The following GFOD1 variants were observed in gnomAD, a reference collection of about 807,000 sequenced individuals.
GFOD1 encodes glucose-fructose oxidoreductase domain-containing protein 1.
GFOD1 carries 9 observed loss-of-function variants against 25.4 expected under a neutral mutation model. The ratio of observed to expected loss-of-function variants is 0.35; its 90% confidence interval spans 0.21 to 0.62. The LOEUF is 0.62. Among genes scored for constraint, GFOD1 ranks in the 20% least tolerant of loss-of-function variants. The pLI is 0.72. For missense variants in GFOD1, 403 were observed against 556.9 expected (o/e 0.72, Z 2.78); for synonymous variants, 253 against 245.6 (o/e 1.03, Z -0.28).
chr6:13,390,737 AAG>A (rs1418249520), intron 1 of GFOD1, among the ~76,000 whole-genome samples: 1 of 135,704 alleles, frequency 7.4e-6, no homozygotes, highest in African/African-American at 3.1e-5. Flanking sequence ...AAAAAAAAGA[AAG>A]AAAGACAGGA....
intron 1 of GFOD1, among the ~76,000 whole-genome samples, chr6:13,374,101 A>C (rs1785203081): frequency 6.6e-6 from 1 of 152,120 alleles, no homozygotes; most frequent in Admixed American, 6.5e-5. Flanking sequence ...TAGTCTACAC[A>C]ACCAGGTACT....
At chr6:13,431,122 A>C (rs1363874564) in intron 1 of GFOD1, among the ~76,000 whole-genome samples, 2 of 152,210 alleles carry the variant, frequency 1.3e-5, no homozygotes, top group Non-Finnish European at 2.9e-5. Flanking sequence ...TTCTGCAAAG[A>C]AGAATGAGTT....
At chr6:13,409,489 T>C (rs1036738095) in intron 1 of GFOD1, among the ~76,000 whole-genome samples, 1 of 152,216 alleles carries the variant, frequency 6.6e-6, no homozygotes, top group African/African-American at 2.4e-5. Context: ...ATTAGGGGAC[T>C]GCAATTTTAG....
chr6:13,401,948 C>T (rs932089783), intron 1 of GFOD1, among the ~76,000 whole-genome samples: 2 of 152,186 alleles, frequency 1.3e-5, no homozygotes, highest in African/African-American at 4.8e-5. Flanking sequence ...TACCTCAAAG[C>T]TACAGTAATC....
rs142137406 is a variant in GFOD1 at position 13,388,710 on chromosome 6, C to A, written c.254-23048G>T. On this transcript the variant is annotated intron_variant, in intron 1 of 1. Coordinates refer to ENST00000379287, the MANE Select transcript of GFOD1 (RefSeq NM_018988.4). The stretch of plus-strand genomic sequence containing the variant: ...TTCAGGACACAGACATGGGCAAAGA[C>A]TTCATGACTAAAACACCAAAAGCAA... 2.6e-4 allele frequency among the ~76,000 whole-genome samples: 40 copies of A among 152,276 alleles called. 1 individual carries two copies. The East Asian group carries it at 7.7e-3, about 29-fold the overall frequency.
chr6:13,429,502 G>C (rs1757710272), intron 1 of GFOD1, among the ~76,000 whole-genome samples: 1 of 152,204 alleles, frequency 6.6e-6, no homozygotes, highest in African/African-American at 2.4e-5. Flanking sequence ...AGAAAAGTTT[G>C]GGTTTACTGC....
At chr6:13,415,330 C>T (rs144310275) in intron 1 of GFOD1, among the ~76,000 whole-genome samples, 1 of 152,254 alleles carries the variant, frequency 6.6e-6, no homozygotes, top group African/African-American at 2.4e-5. Flanking sequence ...TCCAGTTGGC[C>T]TGCCCTTCTG....
chr6:13,362,814 G>A lies in GFOD1; in HGVS notation c.*1929C>T, dbSNP rs1438263364. On this transcript the variant is annotated 3_prime_UTR_variant, in exon 2 of 2. Coordinates refer to ENST00000379287, the MANE Select transcript of GFOD1 (RefSeq NM_018988.4). ...ACCTATGAGTAGCCTGGGCTTCAAA[G>A]AATATTGACCCTAGGGAGGACAATG... 6.6e-6 allele frequency: 1 copy of A among 152,252 alleles called. No homozygotes were observed. The highest frequency in any genetic ancestry group is 1.9e-4 in the East Asian group (1 of 5,198). 9.4% of individuals were successfully genotyped at this position (152,252 alleles called of 1,614,324 possible).
At chr6:13,455,683 A>C (rs969385968) in intron 1 of GFOD1, among the ~76,000 whole-genome samples, 1 of 152,228 alleles carries the variant, frequency 6.6e-6, no homozygotes, top group Non-Finnish European at 1.5e-5. Context: ...TAAATGTTTC[A>C]GCCAAATTAA....
At chr6:13,369,334 C>A (rs781489505) in intron 1 of GFOD1, among the ~76,000 whole-genome samples, 1 of 152,218 alleles carries the variant, frequency 6.6e-6, no homozygotes, top group African/African-American at 2.4e-5. Flanking sequence ...ATCCAATATG[C>A]AAGCATGGCT....
intron 1 of GFOD1, among the ~76,000 whole-genome samples, chr6:13,410,005 G>GTTTTTTTTT: frequency 8.2e-6 from 1 of 121,602 alleles, no homozygotes; most frequent in African/African-American, 3.1e-5. Context: ...CGGATTTTTA[G>GTTTTTTTTT]TTTTTTTTTT....
At chr6:13,470,561 G>A (rs1460728354) in intron 1 of GFOD1, 1 of 1,526,114 alleles carries the variant, frequency 6.6e-7, no homozygotes, top group Admixed American at 2.2e-5. Context: ...CAGCTGAACA[G>A]AACCACGTGG....
chr6:13,411,694 C>T (rs768774212), intron 1 of GFOD1, among the ~76,000 whole-genome samples: 17 of 152,346 alleles, frequency 1.1e-4, no homozygotes, highest in African/African-American at 3.6e-4. Context: ...AGTGGCTGCA[C>T]TGATGAAGGC....
rs1041654571 is a variant in GFOD1, at chr6:13,362,263, C to T, written c.*2480G>A. On this transcript the variant is annotated 3_prime_UTR_variant, in exon 2 of 2. Transcript: ENST00000379287. ...GGATCAAGAGGTCAGGAGATCGAGA[C>T]CATGCTGGCTAATACAGTGAAACCC... 2 of 152,006 alleles carry T rather than the reference C, an allele frequency of 1.3e-5. No homozygotes were observed. Among genetic ancestry groups the T allele is most frequent in the African/African-American group, 4.8e-5 (2 of 41,374 alleles). The allele number at this position is 152,006 out of a possible 1,614,324, so 9.4% of individuals were successfully genotyped here. A position where few individuals can be genotyped will look rare whatever the true frequency, so the allele number is the denominator to read the frequency against.
chr6:13,484,830 G>C (rs1047249578), intron 1 of GFOD1, among the ~76,000 whole-genome samples: 3 of 152,164 alleles, frequency 2.0e-5, no homozygotes, highest in Non-Finnish European at 1.5e-5. Context: ...TCTGAACCCA[G>C]GACAGGAACT....
Position 13,470,027 on chromosome 6 carries a change from G to A in GFOD1, c.253+16611C>T. 3 of 1,364,362 alleles carry A rather than the reference G, an allele frequency of 2.2e-6. No homozygotes were observed. The South Asian group carries it at 3.4e-5, about 16-fold the overall frequency. The allele number at this position is 1,364,362 out of a possible 1,614,324, so 84.5% of individuals were successfully genotyped here. On this transcript the variant is annotated intron_variant, in intron 1 of 1. Transcript: ENST00000379287. ...CCTTTGACCTTTTCTAACTCCCCAT[G>A]ACTGAGAATATTTCCTTACACATTG... is the stretch of plus-strand genomic sequence containing the variant.
chr6:13,402,942 C>T (rs555233860), intron 1 of GFOD1, among the ~76,000 whole-genome samples: 113 of 152,220 alleles, frequency 7.4e-4, no homozygotes, highest in Non-Finnish European at 9.1e-4. Context: ...GTCCATCAAC[C>T]GATGAATGAA....
At chr6:13,416,935 A>T (rs1786172745) in intron 1 of GFOD1, among the ~76,000 whole-genome samples, 2 of 152,176 alleles carry the variant, frequency 1.3e-5, no homozygotes, top group South Asian at 4.1e-4. Flanking sequence ...TGACAGAGTG[A>T]AGAGGACCCA....
intron 1 of GFOD1, among the ~76,000 whole-genome samples, chr6:13,399,496 A>G (rs1287412244): frequency 6.6e-6 from 1 of 152,238 alleles, no homozygotes; most frequent in Non-Finnish European, 1.5e-5. Context: ...CAGCAGCTGA[A>G]TAGATAAATA....
Sources: allele counts gnomAD v4.1 joint callset (sites outside exome capture counted in the v4.1 genomes callset), GRCh38; gene constraint gnomAD v4.1.1; transcripts MANE v1.5; gene names NCBI Gene and HGNC (gene_info 2026-07-23, HGNC 2026-07-21).